ARHGAP20: variants seen among roughly 807,000 people sequenced by gnomAD.
ARHGAP20 encodes Rho GTPase activating protein 20, also known as rho GTPase-activating protein 20.
A neutral mutation model predicts 73.7 loss-of-function variants in ARHGAP20; 34 were observed. The observed-to-expected ratio is 0.46, with a 90% CI of 0.35 to 0.61. The LOEUF (loss-of-function observed/expected upper bound fraction) is 0.61. Among genes scored for constraint, ARHGAP20 ranks in the 20% least tolerant of loss-of-function variants. The probability of loss-of-function intolerance (pLI) is 0.00; values close to 1 mark genes in which losing one functional copy is unlikely to be tolerated. For synonymous variants in ARHGAP20, 523 were observed against 518.2 expected, an observed-to-expected ratio of 1.01 and a Z score of -0.13; for missense variants, 1,314 against 1,420.9, an observed-to-expected ratio of 0.92 and a Z score of 1.21.
intron 6 of ARHGAP20, among the ~76,000 whole-genome samples, chr11:110,613,875 A>C (rs972116042): frequency 6.6e-6 from 1 of 152,168 alleles, no homozygotes; most frequent in Admixed American, 6.5e-5. Flanking sequence ...GTGAAGTATG[A>C]CAGTTAATAG....
intron 2 of ARHGAP20, among the ~76,000 whole-genome samples, chr11:110,684,205 T>C (rs1359067135): frequency 6.6e-6 from 1 of 152,174 alleles, no homozygotes; most frequent in Non-Finnish European, 1.5e-5. Flanking sequence ...GAGAGAAGGC[T>C]AGAGAGTATG....
At chr11:110,699,536 T>A (rs1950402850) in intron 1 of ARHGAP20, among the ~76,000 whole-genome samples, 1 of 151,988 alleles carries the variant, frequency 6.6e-6, no homozygotes, top group Non-Finnish European at 1.5e-5. Flanking sequence ...TTACTATCAA[T>A]GTTTTCTTAG....
intron 11 of ARHGAP20, 80 bp from the exon 12 acceptor site, chr11:110,586,405 G>A (rs1308751228): frequency 1.7e-5 from 15 of 868,716 alleles, no homozygotes; most frequent in Non-Finnish European, 2.6e-5. Context: ...AAGACATTTT[G>A]TTGAAAAGTT....
intron 6 of ARHGAP20, 108 bp downstream of exon 6, chr11:110,614,453 C>T: frequency 2.1e-6 from 2 of 951,378 alleles, no homozygotes; most frequent in South Asian, 1.5e-5. Context: ...CCTTCCATAG[C>T]ACATACACAG....
rs1408072904 is a variant in ARHGAP20 at position 110,679,363 on chromosome 11, A to C, written c.188+11184T>G. Among the ~76,000 whole-genome samples the C allele has an allele frequency of 2.0e-5, 3 of 152,188 alleles. No individual in the cohort carries two copies. The East Asian group carries it at 5.8e-4, about 29-fold the overall frequency. On this transcript the variant is annotated intron_variant, in intron 2 of 14. Coordinates refer to ENST00000683387, the MANE Select transcript of ARHGAP20 (RefSeq NM_001384657.1). ...AGTGTAGCAGGGATTAGACAAGGGT[A>C]TGAATACTAGGAGGCGGGAATCACT...
intron 2 of ARHGAP20, among the ~76,000 whole-genome samples, chr11:110,638,218 T>C (rs1380359778): frequency 1.3e-5 from 2 of 151,950 alleles, no homozygotes; most frequent in Non-Finnish European, 2.9e-5. Flanking sequence ...ATTATAAAAA[T>C]TGCATTCAGG....
At chr11:110,654,904 T>C (rs1949432137) in intron 2 of ARHGAP20, among the ~76,000 whole-genome samples, 1 of 152,188 alleles carries the variant, frequency 6.6e-6, no homozygotes, top group African/African-American at 2.4e-5. Flanking sequence ...TGGGAGAAGA[T>C]TTGACAATAA....
At chr11:110,621,164 C>T (rs1281578117) in intron 4 of ARHGAP20, among the ~76,000 whole-genome samples, 2 of 147,124 alleles carry the variant, frequency 1.4e-5, no homozygotes, top group South Asian at 2.1e-4. Flanking sequence ...TTGTCATTTT[C>T]CTATTTGTAC....
At chr11:110,705,092 G>A (rs1950529706) in intron 1 of ARHGAP20, among the ~76,000 whole-genome samples, 1 of 152,008 alleles carries the variant, frequency 6.6e-6, no homozygotes, top group Non-Finnish European at 1.5e-5. Context: ...ACACCTTCTA[G>A]GAAGGCAAGT....
chr11:110,612,254 T>TA (rs386374891), intron 6 of ARHGAP20, among the ~76,000 whole-genome samples: 101 of 143,332 alleles, frequency 7.0e-4, no homozygotes, highest in Middle Eastern at 3.5e-3. Context: ...CCGTCTCTAC[T>TA]AAAAAAAAAA....
At chr11:110,583,029 C>T (rs1012846265) in intron 13 of ARHGAP20, among the ~76,000 whole-genome samples, 10 of 152,194 alleles carry the variant, frequency 6.6e-5, no homozygotes, top group African/African-American at 2.4e-4. Flanking sequence ...AGTTCCCTTG[C>T]CCCAGTAGCT....
intron 2 of ARHGAP20, among the ~76,000 whole-genome samples, chr11:110,678,721 G>A (rs147858902): frequency 1.2e-4 from 19 of 152,236 alleles, no homozygotes; most frequent in African/African-American, 4.6e-4. Flanking sequence ...GAGTGCAGTG[G>A]CACAATCACG....
Position 110,577,578 on chromosome 11 carries a change from G to T in ARHGAP20, c.*1792C>A, listed in dbSNP as rs561153999. ...ACAGTAGTATGCCCTAAGGGAAAGGGGAGTCCCTGCTGACTTTATATATTA... is the reference window on the plus strand; with the variant it reads ...ACAGTAGTATGCCCTAAGGGAAAGGTGAGTCCCTGCTGACTTTATATATTA... On this transcript the variant is annotated 3_prime_UTR_variant, in exon 15 of 15. Transcript: ENST00000683387. The T allele has an allele frequency of 1.2e-5, 12 of 987,642 alleles. No homozygotes were observed. In the South Asian group the frequency reaches 5.2e-4, roughly 42 times the overall value. The allele number at this position is 987,642 out of a possible 1,614,324, so 61.2% of individuals were successfully genotyped here.
At chr11:110,664,363 C>T (rs1005110873) in intron 2 of ARHGAP20, among the ~76,000 whole-genome samples, 3 of 151,780 alleles carry the variant, frequency 2.0e-5, no homozygotes, top group Non-Finnish European at 4.4e-5. Context: ...TATATATATA[C>T]ACATACACAA....
intron 1 of ARHGAP20, among the ~76,000 whole-genome samples, chr11:110,702,152 C>A (rs769144271): frequency 9.2e-5 from 14 of 152,032 alleles, no homozygotes; most frequent in East Asian, 7.7e-4. Context: ...TACTGGCAAA[C>A]CGAATCCAGC....
chr11:110,696,721 T>A (rs1950343137), intron 1 of ARHGAP20, among the ~76,000 whole-genome samples: 1 of 151,604 alleles, frequency 6.6e-6, no homozygotes, highest in Admixed American at 6.6e-5. Context: ...CTTGCCACCT[T>A]ACCACCCACC....
At position 110,579,405 on chromosome 11, in the gene ARHGAP20, C is replaced by A; in HGVS notation, c.3541G>T (p.Asp1181Tyr). The change falls in exon 15 of 15, where the codon GAC (aspartate) becomes TAC (tyrosine). Residue 1181 changes from aspartate (D) to tyrosine (Y), a missense_variant. Transcript: ENST00000683387. ...TTGGTTAAATACCTGTCCTCAATGT[C>A]GCAGACCACTGTAGGCCCTGAGTCT... ...SPDSGPTVVC[D>Y]IEDRYLTKDI is the part of the protein sequence containing the mutation. 6.2e-7 allele frequency: 1 copy of A among 1,605,884 alleles called. No homozygotes were observed. Among genetic ancestry groups the A allele is most frequent in the South Asian group, 1.1e-5 (1 of 90,856 alleles).
chr11:110,639,263 A>AAAAT (rs1244329895), intron 2 of ARHGAP20, among the ~76,000 whole-genome samples: 1 of 149,986 alleles, frequency 6.7e-6, no homozygotes, highest in Non-Finnish European at 1.5e-5. Context: ...GAGTTTTAAA[A>AAAAT]AACATTTGAT....
chr11:110,693,206 CA>C (rs1184568190), intron 1 of ARHGAP20, among the ~76,000 whole-genome samples: 2 of 151,730 alleles, frequency 1.3e-5, no homozygotes, highest in Admixed American at 6.6e-5. Context: ...TGAGTGTAGC[CA>C]CTTCATCCAG....
Sources: gnomAD v4.1 joint callset for allele counts (sites outside exome capture counted in the v4.1 genomes callset) on GRCh38, gnomAD v4.1.1 for gene constraint, MANE v1.5 for transcripts, NCBI Gene and HGNC (gene_info 2026-07-23, HGNC 2026-07-21) for gene names.